DGCR2: variants seen among roughly 807,000 people sequenced by gnomAD.
DGCR2 encodes DiGeorge syndrome critical region gene 2, also known as integral membrane protein DGCR2/IDD.
A neutral mutation model predicts 51.6 loss-of-function variants in DGCR2; 24 were observed. That is an observed-to-expected ratio of 0.47 (90% CI 0.34 to 0.65). The LOEUF (loss-of-function observed/expected upper bound fraction) is 0.65. DGCR2 is among the 30% of genes least tolerant of loss of function. The pLI, the probability that DGCR2 is intolerant of heterozygous loss-of-function variation, is 0.01. For synonymous variants in DGCR2, 340 were observed against 315.4 expected, an observed-to-expected ratio of 1.08 and a Z score of -0.82; for missense variants, 765 against 772.1, an observed-to-expected ratio of 0.99 and a Z score of 0.11.
intron 1 of DGCR2, among the ~76,000 whole-genome samples, chr22:19,107,237 T>A (rs749151688): frequency 4.6e-5 from 7 of 152,100 alleles, no homozygotes; most frequent in African/African-American, 7.2e-5. Context: ...CTGGAGCTCC[T>A]GACTCCCCAT....
intron 2 of DGCR2, among the ~76,000 whole-genome samples, chr22:19,068,768 T>C (rs1482853874): frequency 6.6e-6 from 1 of 152,268 alleles, no homozygotes; most frequent in East Asian, 1.9e-4. Context: ...AGTATGTTCC[T>C]GTCTGGCTCT....
chr22:19,052,665 C>T (rs1256936275), intron 6 of DGCR2, among the ~76,000 whole-genome samples: 1 of 151,328 alleles, frequency 6.6e-6, no homozygotes, highest in Non-Finnish European at 1.5e-5. Context: ...CCTGTGGTCC[C>T]AGTTACTCGG....
At chr22:19,104,508 G>A (rs1014007177) in intron 1 of DGCR2, among the ~76,000 whole-genome samples, 1 of 152,232 alleles carries the variant, frequency 6.6e-6, no homozygotes, top group South Asian at 2.1e-4. Context: ...AGTACTAGCA[G>A]AAGCACACAT....
chr22:19,062,854 T>G (rs2082695988), intron 5 of DGCR2, among the ~76,000 whole-genome samples: 1 of 150,028 alleles, frequency 6.7e-6, no homozygotes, highest in Non-Finnish European at 1.5e-5. Context: ...GTCTGACCTT[T>G]GTCCTGGCAA....
At chr22:19,094,329 G>A (rs1461945692) in intron 1 of DGCR2, among the ~76,000 whole-genome samples, 2 of 152,244 alleles carry the variant, frequency 1.3e-5, no homozygotes, top group African/African-American at 4.8e-5. Flanking sequence ...TCAGGAGGCT[G>A]AGGCAGAATT....
intron 1 of DGCR2, among the ~76,000 whole-genome samples, chr22:19,097,254 T>C (rs949698274): frequency 2.6e-5 from 4 of 152,010 alleles, no homozygotes; most frequent in East Asian, 1.9e-4. Context: ...TATATACATA[T>C]ATAGATATGT....
In DGCR2 at chr22:19,056,872, G is replaced by A. The variant is rs143305152; in HGVS notation, c.802+114C>T. 1,626 of 1,193,418 alleles carry A rather than the reference G, an allele frequency of 1.4e-3. 1 individual carries two copies. The highest frequency in any genetic ancestry group is 4.1e-3 in the East Asian group (159 of 38,368). The allele number at this position is 1,193,418 out of a possible 1,614,324, so 73.9% of individuals were successfully genotyped here. On this transcript the variant is annotated intron_variant, in intron 6 of 9. Transcript: ENST00000263196. ...AACAAGGTGTGAGCTGGTAAGGGGCGTCCACCGCAACACTGCAAATCAGGT... is the reference window on the plus strand; with the variant it reads ...AACAAGGTGTGAGCTGGTAAGGGGCATCCACCGCAACACTGCAAATCAGGT...
At chr22:19,048,747 G>A in intron 6 of DGCR2, 104 bp from the exon 7 acceptor site, 1 of 1,126,198 alleles carries the variant, frequency 8.9e-7, no homozygotes, top group Non-Finnish European at 1.3e-6. Flanking sequence ...GTGTGGGCCT[G>A]TGAATGCTAC....
intron 1 of DGCR2, 127 bp from the exon 2 acceptor site, chr22:19,089,617 T>C (rs1415328720): frequency 1.8e-6 from 2 of 1,136,662 alleles, no homozygotes; most frequent in African/African-American, 3.2e-5. Flanking sequence ...TCTCATTCTG[T>C]CACCCAGGCT....
chr22:19,114,781 T>C (rs551513906), intron 1 of DGCR2, among the ~76,000 whole-genome samples: 3 of 152,132 alleles, frequency 2.0e-5, no homozygotes, highest in African/African-American at 7.2e-5. Context: ...CTAAGGAAGG[T>C]TTCCCAGAAA....
chr22:19,090,432 A>G (rs1459944113), intron 1 of DGCR2, among the ~76,000 whole-genome samples: 1 of 152,248 alleles, frequency 6.6e-6, no homozygotes, highest in Non-Finnish European at 1.5e-5. Flanking sequence ...AGGCAGAAAA[A>G]GAAGACATGC....
intron 4 of DGCR2, among the ~76,000 whole-genome samples, chr22:19,064,380 C>T (rs2082723812): frequency 6.6e-6 from 1 of 152,266 alleles, no homozygotes; most frequent in Non-Finnish European, 1.5e-5. Context: ...TGTGATTTGC[C>T]AAACTCTCAC....
Position 19,038,749 on chromosome 22 carries a change from C to G in DGCR2, c.*116G>C. ...TGTACACACGCGAGCCCGCCAGTGA[C>G]GTGCGGCAGTGCGTGGCGTCCAGGC... is the stretch of plus-strand genomic sequence containing the variant. On this transcript the variant is annotated 3_prime_UTR_variant, in exon 10 of 10. Coordinates refer to ENST00000263196, the MANE Select transcript of DGCR2 (RefSeq NM_005137.3). 2 of 1,391,314 alleles carry G rather than the reference C, an allele frequency of 1.4e-6. No individual in the cohort carries two copies. The highest frequency in any genetic ancestry group is 2.0e-6 in the Non-Finnish European group (2 of 1,016,896). 86.2% of individuals were successfully genotyped at this position (1,391,314 alleles called of 1,614,324 possible). A position where few individuals can be genotyped will look rare whatever the true frequency, so the allele number is the denominator to read the frequency against.
intron 1 of DGCR2, among the ~76,000 whole-genome samples, chr22:19,113,920 A>G (rs915623043): frequency 3.3e-5 from 5 of 151,978 alleles, no homozygotes; most frequent in African/African-American, 7.2e-5. Flanking sequence ...TTAGCCGGGC[A>G]TGGTGGCAGA....
chr22:19,054,978 T>C (rs1601519837), intron 6 of DGCR2, among the ~76,000 whole-genome samples: 2 of 152,150 alleles, frequency 1.3e-5, no homozygotes. Context: ...TAGCCAGGCG[T>C]GGTGGCACAT....
chr22:19,107,812 T>C (rs370408041), intron 1 of DGCR2, among the ~76,000 whole-genome samples: 19 of 152,320 alleles, frequency 1.2e-4, no homozygotes, highest in African/African-American at 4.6e-4. Flanking sequence ...GCGAGAGCTA[T>C]CTCGCATCTG....
intron 4 of DGCR2, among the ~76,000 whole-genome samples, chr22:19,063,721 G>A (rs531367740): frequency 3.3e-5 from 5 of 152,060 alleles, no homozygotes; most frequent in Non-Finnish European, 5.9e-5. Flanking sequence ...AGTTCACAGG[G>A]CAGGAAAAGT....
At chr22:19,069,472 C>T (rs1054353985) in intron 2 of DGCR2, among the ~76,000 whole-genome samples, 2 of 152,196 alleles carry the variant, frequency 1.3e-5, no homozygotes, top group African/African-American at 4.8e-5. Context: ...ACAACAAAGG[C>T]CATATTTAAC....
In DGCR2 at chr22:19,041,039, T is replaced by G. The variant is rs748854073; in HGVS notation, c.1396+19A>C. ...AGGTTACTTGACAAGGTGTTCCCTCTCCCTGGGGAGTCAGGCACCTGCAGG... is the reference window on the plus strand; with the variant it reads ...AGGTTACTTGACAAGGTGTTCCCTCGCCCTGGGGAGTCAGGCACCTGCAGG... On this transcript the variant is annotated intron_variant, in intron 9 of 9. Transcript: ENST00000263196. The G allele has an allele frequency of 1.9e-6, 3 of 1,562,718 alleles. No homozygotes were observed. In the South Asian group the frequency reaches 3.6e-5, roughly 19 times the overall value.
Sources: gnomAD v4.1 joint callset for allele counts (sites outside exome capture counted in the v4.1 genomes callset) on GRCh38, gnomAD v4.1.1 for gene constraint, MANE v1.5 for transcripts, NCBI Gene and HGNC (gene_info 2026-07-23, HGNC 2026-07-21) for gene names.